The following APOBEC3F variants were observed in gnomAD, a reference collection of about 807,000 sequenced individuals.
APOBEC3F encodes DNA dC->dU-editing enzyme APOBEC-3F.
A neutral mutation model predicts 45.8 loss-of-function variants in APOBEC3F; 34 were observed. The ratio of observed to expected loss-of-function variants is 0.74; its 90% CI spans 0.57 to 0.99. The LOEUF is 0.99. APOBEC3F is among the 50% of genes least tolerant of loss of function. The pLI is 0.00. For missense variants in APOBEC3F, 459 were observed against 474.1 expected, an observed-to-expected ratio of 0.97 and a Z score of 0.30; for synonymous variants, 192 against 174.4, an observed-to-expected ratio of 1.10 and a Z score of -0.80.
rs889357346 is a variant in APOBEC3F at position 39,043,222 on chromosome 22, G to A, written c.171+132G>A. On this transcript the variant is annotated intron_variant, in intron 2 of 6. Coordinates refer to ENST00000308521, the MANE Select transcript of APOBEC3F (RefSeq NM_145298.6). ...CTTCTCTCCCACACTTTCCAAGTCC[G>A]TGGCCCTGACCTTCCTGCTGGACCG... is the stretch of plus-strand genomic sequence containing the variant. The A allele has an allele frequency of 7.4e-4, 969 of 1,314,550 alleles. 2 individuals carry two copies. The highest frequency in any genetic ancestry group is 9.5e-4 in the Non-Finnish European group (925 of 974,130). 81.4% of individuals were successfully genotyped at this position (1,314,550 alleles called of 1,614,324 possible).
chr22:39,049,600 T>TTAA lies in APOBEC3F; in HGVS notation c.723+21_723+22insATA. On this transcript the variant is annotated intron_variant, in intron 5 of 6. Coordinates refer to ENST00000308521, the MANE Select transcript of APOBEC3F (RefSeq NM_145298.6). ...AAACCAGGTAGCACCAAAGTCCTAT[T>TTAA]TACACCCCAAATAGGAGCTAAGCAG... 4.3e-6 allele frequency: 7 copies of TTAA among 1,613,380 alleles called. No homozygotes were observed. Among genetic ancestry groups the TTAA allele is most frequent in the Non-Finnish European group, 5.9e-6 (7 of 1,179,602 alleles).
In APOBEC3F at chr22:39,050,037, T is replaced by A. The variant is rs556839573; in HGVS notation, c.723+456T>A. 2.1e-4 allele frequency among the ~76,000 whole-genome samples: 32 copies of A among 151,866 alleles called. No homozygotes were observed. The South Asian group carries it at 6.2e-3, about 30-fold the overall frequency. ...ATTTTTTAAGTCCGTGGCCCAGATC[T>A]TCCTCCCTAACTTTCCTGGGATCAG... On this transcript the variant is annotated intron_variant, in intron 5 of 6. Coordinates refer to ENST00000308521, the MANE Select transcript of APOBEC3F (RefSeq NM_145298.6).
chr22:39,053,045 G>T lies in APOBEC3F; in HGVS notation c.*350G>T, dbSNP rs184649288. On this transcript the variant is annotated 3_prime_UTR_variant, in exon 7 of 7. Transcript: ENST00000308521. ...TCTGTCACCCAGACTGGAGTGCAAT[G>T]GCTTGATCTTGGCTCACTGCAAACT... is the stretch of plus-strand genomic sequence containing the variant. The T allele has an allele frequency of 2.2e-3, 397 of 178,886 alleles. 2 individuals carry two copies. Among genetic ancestry groups the T allele is most frequent in the South Asian group, 9.1e-3 (54 of 5,956 alleles). The allele number at this position is 178,886 out of a possible 1,614,324, so 11.1% of individuals were successfully genotyped here.
chr22:39,043,069 C>A lies in APOBEC3F; in HGVS notation c.150C>A (p.Asp50Glu), dbSNP rs776436739. Residue 50 changes from aspartate (D) to glutamate (E), a missense_variant, in exon 2 of 7, where the codon GAC becomes GAA. By Grantham distance (45) the Asp-to-Glu change is conservative (BLOSUM62 2). Coordinates refer to ENST00000308521, the MANE Select transcript of APOBEC3F (RefSeq NM_145298.6). Reference protein sequence around the residue: ...KTKGPSRPRLDAKIFRGQVYS... With the variant: ...KTKGPSRPRLEAKIFRGQVYS... ...AGGGTCCCTCAAGGCCCCGTTTGGA[C>A]GCAAAGATCTTTCGAGGCCAGGTAC... is the stretch of plus-strand genomic sequence containing the variant. The A allele has an allele frequency of 1.9e-6, 3 of 1,614,152 alleles. No homozygotes were observed. The highest frequency in any genetic ancestry group is 1.3e-5 in the African/African-American group (1 of 75,042).
Position 39,052,900 on chromosome 22 carries a change from A to ATGGC in APOBEC3F, c.*207_*210dup. On this transcript the variant is annotated 3_prime_UTR_variant, in exon 7 of 7. Transcript: ENST00000308521. The stretch of plus-strand genomic sequence containing the variant: ...CCTGCAGAGGCCTCTTTCTGCCTCC[A>ATGGC]TGGCTATCCATCCACCCACCAAGAC... The ATGGC allele has an allele frequency of 8.2e-7, 1 of 1,214,156 alleles. No individual in the cohort carries two copies. Among genetic ancestry groups the ATGGC allele is most frequent in the South Asian group, 2.2e-5 (1 of 45,846 alleles). The allele number at this position is 1,214,156 out of a possible 1,614,324, so 75.2% of individuals were successfully genotyped here.
At chr22:39,046,310 G>T (rs1243600497) in intron 4 of APOBEC3F, among the ~76,000 whole-genome samples, 2 of 152,204 alleles carry the variant, frequency 1.3e-5, no homozygotes, top group Non-Finnish European at 2.9e-5. Context: ...AGGAGGTGGG[G>T]ATGAGGGTTT....
chr22:39,049,902 C>T (rs1293445343), intron 5 of APOBEC3F, among the ~76,000 whole-genome samples: 1 of 151,568 alleles, frequency 6.6e-6, no homozygotes, highest in African/African-American at 2.4e-5. Flanking sequence ...GGGGTTTCAC[C>T]GTGGTGACCA....
At position 39,045,151 on chromosome 22, in the gene APOBEC3F, A is replaced by T; in HGVS notation, c.382A>T (p.Arg128Ter). 6.2e-7 allele frequency: 1 copy of T among 1,614,142 alleles called. No homozygotes were observed. Among genetic ancestry groups the T allele is most frequent in the East Asian group, 2.2e-5 (1 of 44,878 alleles). The part of the protein sequence containing the change: ...SAARLYYYWE[R>*]DYRRALCRLS... ...CGCCCGCCTCTACTACTACTGGGAA[A>T]GAGATTACCGAAGGGCGCTCTGCAG... The change falls in exon 3 of 7, where the codon AGA becomes TGA. Residue 128 changes from arginine (R) to a stop codon, truncating the protein, a stop_gained. Transcript: ENST00000308521. LOFTEE classifies it high-confidence loss of function.
In APOBEC3F at chr22:39,044,985, T is replaced by C. The variant is rs1248300962; in HGVS notation, c.216T>C (p.Ser72=). The change falls in exon 3 of 7, where the codon TCT becomes TCC. Residue 72 remains serine, a synonymous_variant. Transcript: ENST00000308521. ...ACCACGCAGAAATGTGCTTCCTCTC[T>C]TGGTTCTGTGGCAACCAGCTGCCTG... ...PEHHAEMCFL[S]WFCGNQLPAY... The C allele has an allele frequency of 1.2e-6, 2 of 1,613,868 alleles. No individual in the cohort carries two copies. Among genetic ancestry groups the C allele is most frequent in the Non-Finnish European group, 1.7e-6 (2 of 1,179,992 alleles).
At chr22:39,046,674 A>G (rs1030767929) in intron 4 of APOBEC3F, among the ~76,000 whole-genome samples, 14 of 149,672 alleles carry the variant, frequency 9.4e-5, no homozygotes, top group East Asian at 5.8e-4. Context: ...CTGGAGTGCT[A>G]TGGTGCGATC....
chr22:39,052,070 C>T lies in APOBEC3F; in HGVS notation c.724-4C>T. The T allele has an allele frequency of 6.2e-7, 1 of 1,610,996 alleles. No homozygotes were observed. The highest frequency in any genetic ancestry group is 1.7e-5 in the Admixed American group (1 of 59,986). On this transcript the variant is annotated splice_polypyrimidine_tract_variant and splice_region_variant and intron_variant, in intron 5 of 6. Transcript: ENST00000308521. Reference sequence around the variant, plus strand: ...CCCCTGCCCTCCTCCTCCTCCTTCCCCAGGTGGATCCTGAGACCCATTGTC... The same window carrying T: ...CCCCTGCCCTCCTCCTCCTCCTTCCTCAGGTGGATCCTGAGACCCATTGTC...
At position 39,055,534 on chromosome 22, in the gene APOBEC3F, A is replaced by G. The variant is rs1927662213; in HGVS notation, c.*2839A>G. Among the ~76,000 whole-genome samples the G allele has an allele frequency of 6.6e-6, 1 of 152,112 alleles. No individual in the cohort carries two copies. Among genetic ancestry groups the G allele is most frequent in the African/African-American group, 2.4e-5 (1 of 41,428 alleles). On this transcript the variant is annotated 3_prime_UTR_variant, in exon 7 of 7. Coordinates refer to ENST00000308521, the MANE Select transcript of APOBEC3F (RefSeq NM_145298.6). ...CAGATGCCCAGAACCAATCTCTGCT[A>G]ATTTTTCTATTTTTTAGTAGAGATG...
Position 39,052,742 on chromosome 22 carries a change from A to G in APOBEC3F, c.*47A>G. Reference sequence around the variant, plus strand: ...GTCTGTCTCCTCTAGCCTCCTGCTCATGTTGTGCAGGCCTCCCCTCCATCC... The same window carrying G: ...GTCTGTCTCCTCTAGCCTCCTGCTCGTGTTGTGCAGGCCTCCCCTCCATCC... On this transcript the variant is annotated 3_prime_UTR_variant, in exon 7 of 7. Transcript: ENST00000308521. The G allele has an allele frequency of 6.3e-7, 1 of 1,584,624 alleles. No individual in the cohort carries two copies. Among genetic ancestry groups the G allele is most frequent in the Non-Finnish European group, 8.6e-7 (1 of 1,166,920 alleles).
At position 39,055,300 on chromosome 22, in the gene APOBEC3F, G is replaced by A. The variant is rs1927654965; in HGVS notation, c.*2605G>A. On this transcript the variant is annotated 3_prime_UTR_variant, in exon 7 of 7. Coordinates refer to ENST00000308521, the MANE Select transcript of APOBEC3F (RefSeq NM_145298.6). Reference sequence around the variant, plus strand: ...TTGCTCAGGCTGGTCTTGAACTCATGAGCTCAGGCGATCCACTCTCCTCAG... The same window carrying A: ...TTGCTCAGGCTGGTCTTGAACTCATAAGCTCAGGCGATCCACTCTCCTCAG... 6.6e-6 allele frequency among the ~76,000 whole-genome samples: 1 copy of A among 151,844 alleles called. No homozygotes were observed. Among genetic ancestry groups the A allele is most frequent in the Non-Finnish European group, 1.5e-5 (1 of 67,982 alleles).
intron 1 of APOBEC3F, among the ~76,000 whole-genome samples, chr22:39,042,655 T>A (rs1926974019): frequency 6.6e-6 from 1 of 151,726 alleles, no homozygotes; most frequent in Admixed American, 6.6e-5. Flanking sequence ...CGTTGGAGAA[T>A]GGGTGGGAGA....
At chr22:39,049,337 G>A (rs1927370041) in intron 4 of APOBEC3F, 88 bp from the exon 5 acceptor site, 3 of 1,453,970 alleles carry the variant, frequency 2.1e-6, no homozygotes, top group African/African-American at 1.4e-5. Flanking sequence ...ACATTCCCAG[G>A]GCTGTCCAGT....
At chr22:39,041,007 C>T (rs1369848102) in intron 1 of APOBEC3F, 30 bp downstream of exon 1, 1 of 1,578,370 alleles carries the variant, frequency 6.3e-7, no homozygotes, top group African/African-American at 1.3e-5. Context: ...CCGCTGGGCC[C>T]CTCTGCTGCC....
intron 5 of APOBEC3F, 66 bp from the exon 6 acceptor site, chr22:39,052,008 C>T (rs994924964): frequency 1.0e-5 from 16 of 1,590,032 alleles, no homozygotes; most frequent in Admixed American, 1.7e-5. Flanking sequence ...GCTCCCATCG[C>T]CCCACCCCTG....
intron 2 of APOBEC3F, chr22:39,044,202 A>T: frequency 6.2e-7 from 1 of 1,610,660 alleles, no homozygotes; most frequent in Non-Finnish European, 8.5e-7. Context: ...CAGGCAGGGA[A>T]CAAGGCAGAC....
Sources: allele counts gnomAD v4.1 joint callset (sites outside exome capture counted in the v4.1 genomes callset), GRCh38; gene constraint gnomAD v4.1.1; transcripts MANE v1.5; gene names NCBI Gene and HGNC (gene_info 2026-07-23, HGNC 2026-07-21).